The following KRT8 variants were observed in gnomAD, a reference collection of about 807,000 sequenced individuals.
KRT8 encodes keratin 8.
KRT8 carries 24 observed loss-of-function variants against 43.0 expected under a neutral mutation model. That is an observed-to-expected ratio of 0.56 (90% confidence interval 0.40 to 0.78). KRT8 has a LOEUF of 0.78. KRT8 is among the 30% of genes least tolerant of loss of function. KRT8 has a pLI of 0.00. For synonymous variants in KRT8, 214 were observed against 261.2 expected (o/e 0.82, Z 1.74); for missense variants, 492 against 638.4 (o/e 0.77, Z 2.47).
chr12:52,906,253 G>T (rs926147141), upstream of KRT8, among the ~76,000 whole-genome samples: 1 of 152,110 alleles, frequency 6.6e-6, no homozygotes, highest in African/African-American at 2.4e-5. Flanking sequence ...GGGGTTGGGG[G>T]GGGCAAGAGG....
At chr12:52,917,047 C>T (rs1941755128) in intron 2 of KRT8, among the ~76,000 whole-genome samples, 1 of 152,186 alleles carries the variant, frequency 6.6e-6, no homozygotes, top group Non-Finnish European at 1.5e-5. Context: ...CAGAGAGAGA[C>T]TTCTGCTCCC....
At chr12:52,943,118 G>A (rs1477488955) in intron 2 of KRT8, among the ~76,000 whole-genome samples, 1 of 152,138 alleles carries the variant, frequency 6.6e-6, no homozygotes, top group Non-Finnish European at 1.5e-5. Context: ...TTACTGATCA[G>A]CTTTACTAAA....
At chr12:52,905,738 CACACACATACACAT>C (rs772882578), upstream of KRT8, among the ~76,000 whole-genome samples, 1 of 79,644 alleles carries the variant, frequency 1.3e-5, no homozygotes, top group East Asian at 2.6e-4. Flanking sequence ...CACACACACA[CACACACATACACAT>C]ACACACACAG....
upstream of KRT8, among the ~76,000 whole-genome samples, chr12:52,911,058 A>G (rs1319643791): frequency 6.6e-6 from 1 of 152,166 alleles, no homozygotes; most frequent in Non-Finnish European, 1.5e-5. Flanking sequence ...CCCTGTTGAG[A>G]AGTGACCATC....
At chr12:52,927,451 G>A (rs1295367379) in intron 2 of KRT8, among the ~76,000 whole-genome samples, 3 of 152,248 alleles carry the variant, frequency 2.0e-5, no homozygotes, top group Admixed American at 6.5e-5. Context: ...GTGTTAGGAG[G>A]CTGAACAGGA....
intron 7 of KRT8, 98 bp from the exon 8 acceptor site, chr12:52,897,716 A>T: frequency 6.5e-7 from 1 of 1,533,276 alleles, no homozygotes. Context: ...AGCCCCAGGG[A>T]TGGGAGGTTA....
upstream of KRT8, among the ~76,000 whole-genome samples, chr12:52,907,985 C>T (rs60998549): frequency 1.9e-3 from 286 of 152,314 alleles, no homozygotes; most frequent in African/African-American, 6.4e-3. Flanking sequence ...GTTTGCGGTG[C>T]CTGCCCTACC....
chr12:52,923,096 A>G (rs1941920620), intron 2 of KRT8, among the ~76,000 whole-genome samples: 1 of 152,158 alleles, frequency 6.6e-6, no homozygotes, highest in Non-Finnish European at 1.5e-5. Context: ...CCTCCCTCAC[A>G]TCATTGCACT....
At chr12:52,939,868 T>C (rs1019165395) in intron 2 of KRT8, among the ~76,000 whole-genome samples, 6 of 150,262 alleles carry the variant, frequency 4.0e-5, no homozygotes, top group African/African-American at 7.4e-5. Context: ...GGAGGATCAC[T>C]TGGGGTCAGG....
At chr12:52,922,015 C>T (rs1941895821) in intron 2 of KRT8, among the ~76,000 whole-genome samples, 1 of 151,112 alleles carries the variant, frequency 6.6e-6, no homozygotes, top group Admixed American at 6.6e-5. Flanking sequence ...CTCTCCCCCA[C>T]AAAAAAATTG....
At chr12:52,940,366 G>T (rs1333683157) in intron 2 of KRT8, among the ~76,000 whole-genome samples, 1 of 149,954 alleles carries the variant, frequency 6.7e-6, no homozygotes, top group African/African-American at 2.5e-5. Flanking sequence ...CTGGGAGGTG[G>T]AGGTTGCAGT....
chr12:52,906,434 G>A (rs180882120), upstream of KRT8: 157 of 304,240 alleles, frequency 5.2e-4, no homozygotes, highest in African/African-American at 3.1e-3. Context: ...GGCTCCCAAC[G>A]GGCCAGAGGA....
At chr12:52,902,684 G>A (rs560318796) in intron 1 of KRT8, among the ~76,000 whole-genome samples, 87 of 151,750 alleles carry the variant, frequency 5.7e-4, no homozygotes, top group Non-Finnish European at 9.6e-4. Flanking sequence ...CACCGCGCCC[G>A]GCCAAAAATA....
chr12:52,940,788 G>C (rs1031787464), intron 2 of KRT8, among the ~76,000 whole-genome samples: 5 of 150,900 alleles, frequency 3.3e-5, no homozygotes, highest in Non-Finnish European at 7.4e-5. Flanking sequence ...CCCATGCCCC[G>C]CTAATTTTTT....
chr12:52,913,291 C>T (rs1014609303), intron 2 of KRT8, among the ~76,000 whole-genome samples: 6 of 152,168 alleles, frequency 3.9e-5, no homozygotes, highest in African/African-American at 1.4e-4. Flanking sequence ...CATGCCCCAA[C>T]ACACCTGTCA....
exon 6 of KRT8, chr12:52,898,751 A>G (rs1179337904): frequency 6.2e-7 from 1 of 1,614,202 alleles, no homozygotes; most frequent in Admixed American, 1.7e-5. Context: ...GACGTTCATC[A>G]GCTCCTGGTA....
At chr12:52,921,623 G>A (rs562488942) in intron 2 of KRT8, among the ~76,000 whole-genome samples, 5 of 152,014 alleles carry the variant, frequency 3.3e-5, no homozygotes, top group African/African-American at 9.6e-5. Flanking sequence ...CTACCCCCAA[G>A]GACTTCCTTC....
intron 2 of KRT8, among the ~76,000 whole-genome samples, chr12:52,945,463 G>A (rs1055506768): frequency 6.6e-6 from 1 of 152,144 alleles, no homozygotes; most frequent in Admixed American, 6.5e-5. Flanking sequence ...CCTCCTCCAG[G>A]CTGAGCAAGG....
intron 7 of KRT8, among the ~76,000 whole-genome samples, chr12:52,898,047 C>T (rs374829420): frequency 3.9e-5 from 6 of 152,142 alleles, no homozygotes; most frequent in Admixed American, 2.6e-4. Flanking sequence ...GCCTGTAGTC[C>T]CAGCTACTTG....
Sources: allele counts gnomAD v4.1 joint callset (sites outside exome capture counted in the v4.1 genomes callset), GRCh38; gene constraint gnomAD v4.1.1; transcripts MANE v1.5; gene names NCBI Gene and HGNC (gene_info 2026-07-23, HGNC 2026-07-21).